CSMD1: variants seen among roughly 807,000 people sequenced by gnomAD.
The protein encoded by CSMD1 is CUB and Sushi multiple domains 1.
CSMD1 carries 213 observed loss-of-function variants against 417.5 expected under a neutral mutation model. That is an observed-to-expected ratio of 0.51 (90% CI 0.46 to 0.57). CSMD1 has a LOEUF of 0.57. Among genes scored for constraint, CSMD1 ranks in the 20% least tolerant of loss-of-function variants. The pLI, the probability that CSMD1 is intolerant of heterozygous loss-of-function variation, is 0.00. For synonymous variants in CSMD1, 2,862 were observed against 1,736.8 expected, an observed-to-expected ratio of 1.65 and a Z score of -16.11; for missense variants, 6,923 against 4,529.7, an observed-to-expected ratio of 1.53 and a Z score of -15.17.
At chr8:4,111,769 T>C (rs1396462682) in intron 3 of CSMD1, among the ~76,000 whole-genome samples, 2 of 152,096 alleles carry the variant, frequency 1.3e-5, no homozygotes, top group Non-Finnish European at 1.5e-5. Flanking sequence ...GGAACTGTTG[T>C]GGGGCATAGG....
intron 10 of CSMD1, among the ~76,000 whole-genome samples, chr8:3,514,442 T>C (rs1797203779): frequency 6.6e-6 from 1 of 152,168 alleles, no homozygotes; most frequent in African/African-American, 2.4e-5. Flanking sequence ...GTTATCCCCA[T>C]CTGCTCACGG....
At chr8:4,952,419 C>T (rs1452901155) in intron 1 of CSMD1, among the ~76,000 whole-genome samples, 1 of 151,922 alleles carries the variant, frequency 6.6e-6, no homozygotes, top group Non-Finnish European at 1.5e-5. Context: ...ATGGAAGAGT[C>T]TATATTAGTG....
chr8:3,102,432 G>T (rs976619838), intron 46 of CSMD1, among the ~76,000 whole-genome samples: 4 of 152,188 alleles, frequency 2.6e-5, no homozygotes, highest in East Asian at 1.9e-4. Context: ...GTGGAGTGGG[G>T]CTTGGGAAAC....
At chr8:4,315,146 C>A (rs957718818) in intron 3 of CSMD1, among the ~76,000 whole-genome samples, 1 of 152,198 alleles carries the variant, frequency 6.6e-6, no homozygotes, top group African/African-American at 2.4e-5. Context: ...TCTCTGCCCT[C>A]ATCCACACCT....
intron 12 of CSMD1, among the ~76,000 whole-genome samples, chr8:3,462,793 G>A (rs182071647): frequency 0.024 from 3,688 of 151,574 alleles, 168 homozygotes; most frequent in African/African-American, 0.084. Flanking sequence ...AAAGGCTGGG[G>A]ACTCTTATCT....
At chr8:4,203,390 T>C (rs1233995679) in intron 3 of CSMD1, among the ~76,000 whole-genome samples, 1 of 152,174 alleles carries the variant, frequency 6.6e-6, no homozygotes, top group Admixed American at 6.5e-5. Context: ...GTGAGATCTT[T>C]GTGGTTTCTA....
chr8:4,232,816 A>G (rs187732217), intron 3 of CSMD1, among the ~76,000 whole-genome samples: 210 of 152,318 alleles, frequency 1.4e-3, no homozygotes, highest in Non-Finnish European at 1.9e-3. Flanking sequence ...CTCGAAATCT[A>G]AAAGACAAAC....
intron 17 of CSMD1, 143 bp from the exon 18 acceptor site, chr8:3,387,825 A>G (rs1811105624): frequency 1.5e-6 from 1 of 645,874 alleles, no homozygotes; most frequent in Non-Finnish European, 2.6e-6. Context: ...ATCCATGGAC[A>G]TAAAAGCCAA....
intron 5 of CSMD1, among the ~76,000 whole-genome samples, chr8:3,870,862 T>A (rs1805436510): frequency 6.6e-6 from 1 of 152,096 alleles, no homozygotes; most frequent in Non-Finnish European, 1.5e-5. Flanking sequence ...TGTCTTAGGT[T>A]CCTTAGATGC....
intron 2 of CSMD1, among the ~76,000 whole-genome samples, chr8:4,524,530 A>G (rs1450840621): frequency 3.3e-5 from 5 of 150,552 alleles, no homozygotes; most frequent in African/African-American, 1.2e-4. Flanking sequence ...GCAGGGTATG[A>G]ACCCTGCATT....
chr8:4,437,998 T>A (rs150668639), intron 2 of CSMD1, among the ~76,000 whole-genome samples: 2 of 152,242 alleles, frequency 1.3e-5, no homozygotes, highest in African/African-American at 4.8e-5. Flanking sequence ...AATAAAGTGG[T>A]CTGATCTGCA....
In CSMD1 at chr8:2,997,993, C is replaced by T. The variant is rs779745742; in HGVS notation, c.8377+18G>A. On this transcript the variant is annotated intron_variant, in intron 54 of 69. Coordinates refer to ENST00000635120, the MANE Select transcript of CSMD1 (RefSeq NM_033225.6). ...ACACTCTCAGAGCAAAGGGCTCATT[C>T]CTGGATGCTGTTCCTACCTCGACAC... 1.9e-6 allele frequency: 3 copies of T among 1,609,432 alleles called. No individual in the cohort carries two copies. Among genetic ancestry groups the T allele is most frequent in the Non-Finnish European group, 2.5e-6 (3 of 1,177,550 alleles).
chr8:4,531,827 T>A (rs1381781157), intron 2 of CSMD1, among the ~76,000 whole-genome samples: 2 of 152,232 alleles, frequency 1.3e-5, no homozygotes, highest in Admixed American at 6.5e-5. Context: ...TTTCAGAAAC[T>A]TTTATCACTT....
At chr8:3,571,267 C>A (rs1477061081) in intron 10 of CSMD1, among the ~76,000 whole-genome samples, 5 of 152,212 alleles carry the variant, frequency 3.3e-5, no homozygotes, top group Admixed American at 6.5e-5. Context: ...CCTGTGAATT[C>A]TAAATGTGCC....
At chr8:3,900,938 C>CAA (rs1251883383) in intron 5 of CSMD1, among the ~76,000 whole-genome samples, 1 of 152,184 alleles carries the variant, frequency 6.6e-6, no homozygotes, top group Non-Finnish European at 1.5e-5. Flanking sequence ...TTATTAAATA[C>CAA]AAGAAGGTCT....
chr8:4,332,131 T>G (rs766062468), intron 3 of CSMD1, among the ~76,000 whole-genome samples: 9 of 152,072 alleles, frequency 5.9e-5, no homozygotes, highest in Non-Finnish European at 1.3e-4. Context: ...CCCAAAGTTG[T>G]GATGAAAATG....
intron 2 of CSMD1, among the ~76,000 whole-genome samples, chr8:4,624,388 T>G (rs1045781638): frequency 6.6e-6 from 1 of 152,138 alleles, no homozygotes; most frequent in Non-Finnish European, 1.5e-5. Flanking sequence ...CTCAACCAGT[T>G]TTGGGGTCAA....
intron 7 of CSMD1, among the ~76,000 whole-genome samples, chr8:3,650,157 T>G (rs1429750973): frequency 6.6e-6 from 1 of 151,982 alleles, no homozygotes; most frequent in African/African-American, 2.4e-5. Context: ...TGGGTGTCTG[T>G]AATCCCAGCT....
chr8:3,712,064 C>G (rs1027346052), intron 6 of CSMD1, among the ~76,000 whole-genome samples: 7 of 152,180 alleles, frequency 4.6e-5, no homozygotes, highest in African/African-American at 1.7e-4. Context: ...TACGTCTCCA[C>G]TAGGGAATAT....
Sources: gnomAD v4.1 joint callset for allele counts (sites outside exome capture counted in the v4.1 genomes callset) on GRCh38, gnomAD v4.1.1 for gene constraint, MANE v1.5 for transcripts, NCBI Gene and HGNC (gene_info 2026-07-23, HGNC 2026-07-21) for gene names.